The following VPS13B variants were observed in gnomAD, a reference collection of about 807,000 sequenced individuals.
VPS13B encodes vacuolar protein sorting 13 homolog B.
VPS13B carries 285 observed loss-of-function variants against 426.4 expected under a neutral mutation model. The observed-to-expected ratio is 0.67, with a 90% CI of 0.61 to 0.74. VPS13B has a LOEUF of 0.74. VPS13B is among the 30% of genes least tolerant of loss of function. The pLI is 0.00. For synonymous variants in VPS13B, 1,676 were observed against 1,676.4 expected (o/e 1.00, Z 0.01); for missense variants, 4,537 against 4,782.6 (o/e 0.95, Z 1.51).
intron 43 of VPS13B, among the ~76,000 whole-genome samples, chr8:99,789,704 T>C (rs923960399): frequency 1.3e-5 from 2 of 152,140 alleles, no homozygotes; most frequent in Admixed American, 6.6e-5. Flanking sequence ...GGCATAAGAC[T>C]ATCTTATAGA....
At position 99,835,579 on chromosome 8, in the gene VPS13B, C is replaced by A. The variant is rs147242148; in HGVS notation, c.9783C>A (p.Ser3261=). Residue 3261 remains serine, a synonymous_variant, in exon 54 of 62, where the codon TCC becomes TCA. Transcript: ENST00000357162. ...AGGTTTATTGCAAAAAAATTCCCTC[C>A]GAGTGCTCAATTCATCATGAGCTGT... is the stretch of plus-strand genomic sequence containing the variant. ...KFEVYCKKIP[S]ECSIHHELYH... is the part of the protein sequence containing the mutation. 1.9e-6 allele frequency: 3 copies of A among 1,613,972 alleles called. No individual in the cohort carries two copies. The African/African-American group carries it at 4.0e-5, about 22-fold the overall frequency.
At chr8:99,326,529 T>G (rs1810288053) in intron 19 of VPS13B, among the ~76,000 whole-genome samples, 1 of 128,720 alleles carries the variant, frequency 7.8e-6, no homozygotes, top group Non-Finnish European at 1.6e-5. Context: ...CTCAGCTCAC[T>G]GCAACCTCTG....
At chr8:99,383,231 G>A (rs1288357730) in intron 19 of VPS13B, among the ~76,000 whole-genome samples, 1 of 151,964 alleles carries the variant, frequency 6.6e-6, no homozygotes, top group Non-Finnish European at 1.5e-5. Context: ...TCAGAATGTT[G>A]GCCTGCATTT....
intron 44 of VPS13B, among the ~76,000 whole-genome samples, chr8:99,815,735 G>T (rs1813996808): frequency 6.6e-6 from 1 of 152,110 alleles, no homozygotes; most frequent in African/African-American, 2.4e-5. Context: ...TCCAATCATG[G>T]TGAATATTCA....
intron 3 of VPS13B, among the ~76,000 whole-genome samples, chr8:99,088,301 T>C (rs969905383): frequency 2.6e-5 from 4 of 151,478 alleles, no homozygotes; most frequent in African/African-American, 9.7e-5. Context: ...TGTTGTCTTA[T>C]ATGACTCATG....
At chr8:99,852,168 G>A (rs1453449933) in intron 55 of VPS13B, among the ~76,000 whole-genome samples, 2 of 152,214 alleles carry the variant, frequency 1.3e-5, no homozygotes, top group African/African-American at 4.8e-5. Flanking sequence ...CATTAACTAA[G>A]ATGAGAGAGA....
chr8:99,335,342 G>A (rs1053903045), intron 19 of VPS13B, among the ~76,000 whole-genome samples: 2 of 151,982 alleles, frequency 1.3e-5, no homozygotes, highest in African/African-American at 2.4e-5. Flanking sequence ...AGGGTTTTTT[G>A]TGTCTCTATT....
intron 19 of VPS13B, among the ~76,000 whole-genome samples, chr8:99,332,599 C>G (rs1209684860): frequency 1.3e-5 from 2 of 151,626 alleles, no homozygotes; most frequent in Admixed American, 6.6e-5. Context: ...TACTCTGCAT[C>G]CTCAGTTCAG....
intron 3 of VPS13B, among the ~76,000 whole-genome samples, chr8:99,046,344 G>T (rs144230554): frequency 0.014 from 2,196 of 152,042 alleles, 22 homozygotes; most frequent in Middle Eastern, 0.024. Context: ...TTCTCAGCTT[G>T]GTTGCTGTTG....
In VPS13B at chr8:99,281,899, G is replaced by A. The variant is rs146356780; in HGVS notation, c.2824+6645G>A. ...TCTGAATGATCTAATCAATACATCT[G>A]TTTTCAGCAACCAACCATAAGTTTA... On this transcript the variant is annotated intron_variant, in intron 19 of 61. Transcript: ENST00000357162. Among the ~76,000 whole-genome samples, 5 of 152,102 alleles carry A rather than the reference G, an allele frequency of 3.3e-5. No homozygotes were observed. The East Asian group carries it at 9.6e-4, about 29-fold the overall frequency.
At chr8:99,124,939 C>T (rs1258266507) in intron 8 of VPS13B, among the ~76,000 whole-genome samples, 3 of 146,238 alleles carry the variant, frequency 2.1e-5, no homozygotes, top group Non-Finnish European at 4.5e-5. Context: ...CATGAATGAA[C>T]CTGGAAATCT....
chr8:99,212,278 C>T (rs1465528308), intron 17 of VPS13B, among the ~76,000 whole-genome samples: 2 of 152,190 alleles, frequency 1.3e-5, no homozygotes, highest in African/African-American at 2.4e-5. Context: ...ATTCCCTTCA[C>T]CTCTCTCCTT....
chr8:99,756,505 T>G (rs968180554), intron 39 of VPS13B, among the ~76,000 whole-genome samples: 2 of 152,196 alleles, frequency 1.3e-5, no homozygotes, highest in African/African-American at 4.8e-5. Context: ...AGAAGCTCAA[T>G]GAACTCTACC....
At chr8:99,869,850 G>A (rs543228892) in intron 59 of VPS13B, among the ~76,000 whole-genome samples, 5 of 152,248 alleles carry the variant, frequency 3.3e-5, no homozygotes, top group East Asian at 1.9e-4. Flanking sequence ...ATGACTATGC[G>A]TCGTTTGTAA....
At chr8:99,095,474 G>C (rs748244194) in intron 3 of VPS13B, among the ~76,000 whole-genome samples, 4 of 152,074 alleles carry the variant, frequency 2.6e-5, no homozygotes, top group Admixed American at 2.6e-4. Context: ...GATCTTTCTA[G>C]TTCTTCCAAA....
intron 17 of VPS13B, among the ~76,000 whole-genome samples, chr8:99,264,978 T>C (rs1173121948): frequency 6.6e-6 from 1 of 152,148 alleles, no homozygotes; most frequent in Non-Finnish European, 1.5e-5. Context: ...TTCCAATCTA[T>C]TTATTAATTT....
chr8:99,793,840 G>A (rs369423799), intron 43 of VPS13B, among the ~76,000 whole-genome samples: 1 of 152,226 alleles, frequency 6.6e-6, no homozygotes, highest in African/African-American at 2.4e-5. Context: ...CACTCCTAAG[G>A]TTTGATAGCT....
chr8:99,051,651 C>T (rs922594246), intron 3 of VPS13B, among the ~76,000 whole-genome samples: 3 of 152,184 alleles, frequency 2.0e-5, no homozygotes, highest in African/African-American at 7.2e-5. Flanking sequence ...ATTGGTTCTT[C>T]CTACCCATGA....
chr8:99,200,680 A>G (rs1814261208), intron 17 of VPS13B, among the ~76,000 whole-genome samples: 1 of 151,986 alleles, frequency 6.6e-6, no homozygotes, highest in Non-Finnish European at 1.5e-5. Flanking sequence ...TGTATTTATT[A>G]GCTATTTCTA....
Sources: gnomAD v4.1 joint callset for allele counts (sites outside exome capture counted in the v4.1 genomes callset) on GRCh38, gnomAD v4.1.1 for gene constraint, MANE v1.5 for transcripts, NCBI Gene and HGNC (gene_info 2026-07-23, HGNC 2026-07-21) for gene names.